CBR4: variants seen among roughly 807,000 people sequenced by gnomAD.
CBR4 encodes the protein carbonyl reductase 4.
A neutral mutation model predicts 21.0 loss-of-function variants in CBR4; 22 were observed. The ratio of observed to expected loss-of-function variants is 1.05; its 90% CI spans 0.75 to 1.50. The LOEUF is 1.50. CBR4 is among the 40% of genes most tolerant of loss of function. The pLI is 0.00. For missense variants in CBR4, 302 were observed against 286.3 expected (o/e 1.05, Z -0.40); for synonymous variants, 100 against 104.4 (o/e 0.96, Z 0.26).
intron 4 of CBR4, among the ~76,000 whole-genome samples, chr4:168,995,683 C>T (rs569752764): frequency 6.6e-6 from 1 of 152,242 alleles, no homozygotes; most frequent in Non-Finnish European, 1.5e-5. Flanking sequence ...ATTTACAATG[C>T]CTTTCACACT....
intron 2 of CBR4, among the ~76,000 whole-genome samples, chr4:168,950,205 T>C (rs1055970460): frequency 5.3e-5 from 8 of 152,166 alleles, no homozygotes; most frequent in Non-Finnish European, 8.8e-5. Flanking sequence ...CCTTGAGGTG[T>C]GGCCTTAGAA....
chr4:168,917,049 G>GGT lies in CBR4; in HGVS notation n.170-22285_170-22284insAC, dbSNP rs1491537610. The stretch of plus-strand genomic sequence containing the variant: ...CAGCAGGGCTTTTTGTTTTTTTGGG[G>GGT]TTTTTTTTTTTTTTTTTGAGACGGA... On this transcript the variant is annotated intron_variant and non_coding_transcript_variant, in intron 2 of 3. Transcript: ENST00000509108. 5.8e-3 allele frequency among the ~76,000 whole-genome samples: 723 copies of GGT among 124,762 alleles called. 25 individuals carry two copies. The highest frequency in any genetic ancestry group is 7.3e-3 in the Non-Finnish European group (431 of 59,362). 81.8% of individuals were successfully genotyped at this position (124,762 alleles called of 152,430 possible).
At chr4:168,996,152 A>AG (rs1490116638) in intron 4 of CBR4, among the ~76,000 whole-genome samples, 2 of 152,226 alleles carry the variant, frequency 1.3e-5, no homozygotes, top group African/African-American at 4.8e-5. Flanking sequence ...GACAGCTGCT[A>AG]GCCATCACTG....
intron 2 of CBR4, chr4:168,924,117 G>A: frequency 1.4e-6 from 1 of 707,742 alleles, no homozygotes; most frequent in Admixed American, 2.3e-5. Flanking sequence ...TTTGGAGAGG[G>A]GACTAGCATC....
chr4:168,993,288 G>A (rs796732050), intron 4 of CBR4, among the ~76,000 whole-genome samples: 39 of 148,896 alleles, frequency 2.6e-4, no homozygotes, highest in African/African-American at 8.0e-4. Context: ...TAGGCTCACC[G>A]CAACCTCCGC....
chr4:168,987,919 A>G lies in CBR4; in HGVS notation c.*2231T>C. 2.0e-6 allele frequency: 2 copies of G among 983,966 alleles called. No individual in the cohort carries two copies. Among genetic ancestry groups the G allele is most frequent in the Non-Finnish European group, 2.4e-6 (2 of 828,724 alleles). 61.0% of individuals were successfully genotyped at this position (983,966 alleles called of 1,614,324 possible). A position where few individuals can be genotyped will look rare whatever the true frequency, so the allele number is the denominator to read the frequency against. On this transcript the variant is annotated 3_prime_UTR_variant, in exon 5 of 5. Transcript: ENST00000306193. The stretch of plus-strand genomic sequence containing the variant: ...CACAAATTTTAAAGCCCTCCATGCA[A>G]AAAAAAATTAATACATTGGCTTTAC...
At chr4:168,979,160 C>G (rs561450001) in intron 2 of CBR4, among the ~76,000 whole-genome samples, 24 of 151,764 alleles carry the variant, frequency 1.6e-4, no homozygotes, top group Admixed American at 2.6e-4. Context: ...AACAAGCCCC[C>G]CTCCCTGCTC....
At chr4:168,912,345 C>G (rs996204831) in intron 2 of CBR4, among the ~76,000 whole-genome samples, 9 of 152,176 alleles carry the variant, frequency 5.9e-5, no homozygotes, top group African/African-American at 1.9e-4. Flanking sequence ...CTTGTTTTTC[C>G]TCTCTTGCTG....
intron 2 of CBR4, among the ~76,000 whole-genome samples, chr4:168,929,325 A>G (rs1762890600): frequency 2.0e-5 from 3 of 152,226 alleles, no homozygotes; most frequent in African/African-American, 7.2e-5. Flanking sequence ...TCTAATTCAC[A>G]GCCTCCATAA....
At chr4:169,007,839 G>C (rs1731050833) in intron 1 of CBR4, 83 bp from the exon 2 acceptor site, 8 of 999,322 alleles carry the variant, frequency 8.0e-6, no homozygotes, top group East Asian at 2.9e-5. Context: ...ATCTATCTAA[G>C]ATGGCAGGCC....
intron 1 of CBR4, chr4:169,008,835 T>C (rs1244637466): frequency 5.2e-6 from 2 of 385,254 alleles, no homozygotes; most frequent in Admixed American, 7.2e-5. Context: ...ACACTCTCCC[T>C]GACCTATAAC....
intron 2 of CBR4, among the ~76,000 whole-genome samples, chr4:168,940,596 A>G (rs541670668): frequency 5.3e-5 from 8 of 151,948 alleles, no homozygotes; most frequent in Middle Eastern, 3.4e-3. Flanking sequence ...ATTTACAAGA[A>G]AAAAAAAACA....
chr4:168,915,925 C>T lies in CBR4; in HGVS notation n.170-21160G>A, dbSNP rs143544548. On this transcript the variant is annotated intron_variant and non_coding_transcript_variant, in intron 2 of 3. Transcript: ENST00000509108. ...GTTCTAGATCAAGGGACAGTGGAGACGAAAATGAACCAATTCAGGAGCGAT... is the reference window on the plus strand; with the variant it reads ...GTTCTAGATCAAGGGACAGTGGAGATGAAAATGAACCAATTCAGGAGCGAT... 185 of 1,612,970 alleles carry T rather than the reference C, an allele frequency of 1.1e-4. 1 individual carries two copies. In the African/African-American group the frequency reaches 1.7e-3, roughly 15 times the overall value.
At chr4:168,895,918 T>G (rs1227088920) in intron 2 of CBR4, among the ~76,000 whole-genome samples, 1 of 152,110 alleles carries the variant, frequency 6.6e-6, no homozygotes, top group African/African-American at 2.4e-5. Context: ...AAGTTGAAAG[T>G]GCATTTAAGG....
chr4:168,969,360 AT>A (rs1439760394), intron 2 of CBR4, among the ~76,000 whole-genome samples: 4 of 152,168 alleles, frequency 2.6e-5, no homozygotes. Flanking sequence ...CCCCCTAGAG[AT>A]GCCTATTCTC....
At chr4:168,973,254 C>T (rs1456820121) in intron 2 of CBR4, among the ~76,000 whole-genome samples, 1 of 151,994 alleles carries the variant, frequency 6.6e-6, no homozygotes, top group Non-Finnish European at 1.5e-5. Flanking sequence ...TGTTATGTTC[C>T]TTCCTAGTTT....
intron 2 of CBR4, among the ~76,000 whole-genome samples, chr4:168,958,234 A>C (rs1450840094): frequency 6.6e-6 from 1 of 152,042 alleles, no homozygotes; most frequent in African/African-American, 2.4e-5. Flanking sequence ...ACTGTACTCC[A>C]GCCTGGGTGA....
At chr4:168,951,276 C>G (rs887231734) in intron 2 of CBR4, among the ~76,000 whole-genome samples, 5 of 152,146 alleles carry the variant, frequency 3.3e-5, no homozygotes, top group African/African-American at 1.2e-4. Context: ...CCACAATGGT[C>G]TCGATCTCTT....
intron 2 of CBR4, among the ~76,000 whole-genome samples, chr4:168,966,483 C>T (rs1230802950): frequency 6.6e-6 from 1 of 150,794 alleles, no homozygotes; most frequent in African/African-American, 2.4e-5. Flanking sequence ...GCCGAGATCG[C>T]ACCACTGCCT....
Sources: gnomAD v4.1 joint callset for allele counts (sites outside exome capture counted in the v4.1 genomes callset) on GRCh38, gnomAD v4.1.1 for gene constraint, MANE v1.5 for transcripts, NCBI Gene and HGNC (gene_info 2026-07-23, HGNC 2026-07-21) for gene names.